Variants in SLC24A3 observed in about 807,000 individuals in gnomAD.
The protein encoded by SLC24A3 is solute carrier family 24 member 3, also known as sodium/potassium/calcium exchanger 3.
In SLC24A3, 28 loss-of-function variants were observed where a neutral mutation model predicts 75.8. That is an observed-to-expected ratio of 0.37 (90% CI 0.27 to 0.51). SLC24A3 has a LOEUF of 0.51. Ranked by LOEUF, SLC24A3 falls within the 20% of genes least tolerant of loss-of-function variation. SLC24A3 has a pLI of 0.94. For synonymous variants in SLC24A3, 372 were observed against 334.1 expected (o/e 1.11, Z -1.24); for missense variants, 663 against 847.8 (o/e 0.78, Z 2.71).
intron 9 of SLC24A3, 145 bp from the exon 10 acceptor site, chr20:19,681,713 G>T (rs1480127774): frequency 1.6e-6 from 2 of 1,270,250 alleles, no homozygotes; most frequent in Admixed American, 4.0e-5. Context: ...AGGGGGAATG[G>T]GTTGAGAAAA....
chr20:19,333,677 G>A (rs1172977535), intron 2 of SLC24A3, among the ~76,000 whole-genome samples: 1 of 151,796 alleles, frequency 6.6e-6, no homozygotes, highest in Non-Finnish European at 1.5e-5. Context: ...GTGTGTGTGT[G>A]CAGTATAACT....
At chr20:19,490,477 A>G (rs1988193441) in intron 2 of SLC24A3, among the ~76,000 whole-genome samples, 1 of 152,110 alleles carries the variant, frequency 6.6e-6, no homozygotes, top group South Asian at 2.1e-4. Flanking sequence ...TTCCCAAGTT[A>G]CCATGTGCAT....
chr20:19,629,495 A>G lies in SLC24A3; in HGVS notation c.613-24567A>G, dbSNP rs529992906. On this transcript the variant is annotated intron_variant, in intron 6 of 16. Transcript: ENST00000328041. ...AAGGACAGAGAGCCTATTTGAAGAA[A>G]TAATAGCCAATATCTCCGCAAATTT... Among the ~76,000 whole-genome samples, 76 of 152,344 alleles carry G rather than the reference A, an allele frequency of 5.0e-4. No individual in the cohort carries two copies. The Middle Eastern group carries it at 0.01, about 20-fold the overall frequency.
chr20:19,402,533 C>G (rs892770239), intron 2 of SLC24A3, among the ~76,000 whole-genome samples: 1 of 152,094 alleles, frequency 6.6e-6, no homozygotes, highest in Admixed American at 6.5e-5. Context: ...GACAGCCCAG[C>G]AATATTAAGC....
chr20:19,257,054 C>T (rs773741351), intron 1 of SLC24A3, among the ~76,000 whole-genome samples: 3 of 152,160 alleles, frequency 2.0e-5, no homozygotes, highest in Non-Finnish European at 4.4e-5. Flanking sequence ...TTCCACAAAA[C>T]GATCCCTAGG....
At position 19,549,783 on chromosome 20, in the gene SLC24A3, C is replaced by T. The variant is rs532572830; in HGVS notation, c.349-30217C>T. On this transcript the variant is annotated intron_variant, in intron 3 of 16. Transcript: ENST00000328041. Reference sequence around the variant, plus strand: ...GGGGCAACAGTGCAAGACTTTGTCTCAAAAACAAAACAAAACAATACAAAC... The same window carrying T: ...GGGGCAACAGTGCAAGACTTTGTCTTAAAAACAAAACAAAACAATACAAAC... Among the ~76,000 whole-genome samples the T allele has an allele frequency of 3.2e-4, 49 of 152,182 alleles. No individual in the cohort carries two copies. In the South Asian group the frequency reaches 0.01, roughly 32 times the overall value.
chr20:19,663,103 G>C (rs1352161160), intron 7 of SLC24A3, among the ~76,000 whole-genome samples: 4 of 152,004 alleles, frequency 2.6e-5, no homozygotes, highest in African/African-American at 9.7e-5. Context: ...GGGTCTTGCT[G>C]TCTCCCCAAG....
rs549737934 is a variant in SLC24A3 at position 19,320,205 on chromosome 20, C to T, written c.271+39118C>T. 1.1e-3 allele frequency among the ~76,000 whole-genome samples: 161 copies of T among 152,314 alleles called. 1 individual carries two copies. The highest frequency in any genetic ancestry group is 3.2e-3 in the African/African-American group (134 of 41,550). On this transcript the variant is annotated intron_variant, in intron 2 of 16. Transcript: ENST00000328041. ...GGCTTTGTTTTCTGTCGGGCGCCGA[C>T]GGTCCAGGCTTTGTCATTTGGAGAA...
At chr20:19,419,822 GTTT>G (rs571225238) in intron 2 of SLC24A3, among the ~76,000 whole-genome samples, 24 of 136,668 alleles carry the variant, frequency 1.8e-4, no homozygotes, top group African/African-American at 6.5e-4. Context: ...CGACAGCCAA[GTTT>G]TTTTTTTTTT....
At chr20:19,420,568 A>G (rs929770527) in intron 2 of SLC24A3, among the ~76,000 whole-genome samples, 11 of 136,198 alleles carry the variant, frequency 8.1e-5, no homozygotes, top group African/African-American at 3.2e-4. Context: ...GGAAGAATCA[A>G]TATCGTGAAA....
intron 3 of SLC24A3, among the ~76,000 whole-genome samples, chr20:19,564,221 A>G (rs375595516): frequency 2.2e-4 from 33 of 152,322 alleles, no homozygotes; most frequent in African/African-American, 7.2e-4. Context: ...GGGAGAGGGT[A>G]AAAGGGAAGA....
rs764694637 is a variant in SLC24A3, at chr20:19,466,102, G to T, written c.272-49386G>T. On this transcript the variant is annotated intron_variant, in intron 2 of 16. Transcript: ENST00000328041. ...TTAAATAAAATTCTATAGTGTGTTT[G>T]TTAGACAAAGTACAAATGTATTTTC... Among the ~76,000 whole-genome samples the T allele has an allele frequency of 1.4e-3, 207 of 152,300 alleles. 1 individual carries two copies. Among genetic ancestry groups the T allele is most frequent in the Non-Finnish European group, 1.2e-3 (85 of 68,034 alleles).
chr20:19,650,227 G>T (rs2032186510), intron 6 of SLC24A3, among the ~76,000 whole-genome samples: 1 of 152,072 alleles, frequency 6.6e-6, no homozygotes, highest in Admixed American at 6.5e-5. Context: ...GCTGAAATTT[G>T]ATTACAATCC....
At chr20:19,561,366 G>A (rs962818051) in intron 3 of SLC24A3, among the ~76,000 whole-genome samples, 2 of 152,106 alleles carry the variant, frequency 1.3e-5, no homozygotes, top group African/African-American at 2.4e-5. Flanking sequence ...CCTGATGACC[G>A]CTGGGGAATC....
intron 1 of SLC24A3, among the ~76,000 whole-genome samples, chr20:19,249,873 T>C (rs112357865): frequency 6.6e-6 from 1 of 152,238 alleles, no homozygotes; most frequent in Non-Finnish European, 1.5e-5. Flanking sequence ...TTGTACAGTG[T>C]TACTGGGGCA....
intron 6 of SLC24A3, among the ~76,000 whole-genome samples, chr20:19,650,203 G>A (rs1164049387): frequency 6.6e-6 from 1 of 152,124 alleles, no homozygotes; most frequent in African/African-American, 2.4e-5. Context: ...CTAAGGGTAG[G>A]CTCTGAATAT....
chr20:19,635,565 C>T (rs961016260), intron 6 of SLC24A3, among the ~76,000 whole-genome samples: 2 of 152,184 alleles, frequency 1.3e-5, no homozygotes, highest in African/African-American at 4.8e-5. Flanking sequence ...AGAATTTGGA[C>T]AAATCACAGC....
intron 6 of SLC24A3, among the ~76,000 whole-genome samples, chr20:19,627,444 C>A (rs561012566): frequency 1.3e-5 from 2 of 152,164 alleles, no homozygotes; most frequent in Non-Finnish European, 2.9e-5. Context: ...ATTAACCTAA[C>A]GTGATTCTTG....
At chr20:19,379,452 T>G (rs752498351) in intron 2 of SLC24A3, among the ~76,000 whole-genome samples, 4 of 152,118 alleles carry the variant, frequency 2.6e-5, no homozygotes, top group Non-Finnish European at 5.9e-5. Context: ...TTTTTACTGT[T>G]TTAGGAATGA....
Sources: gnomAD v4.1 joint callset for allele counts (sites outside exome capture counted in the v4.1 genomes callset) on GRCh38, gnomAD v4.1.1 for gene constraint, MANE v1.5 for transcripts, NCBI Gene and HGNC (gene_info 2026-07-23, HGNC 2026-07-21) for gene names.